The following TRIM77 variants were observed in gnomAD, a reference collection of about 807,000 sequenced individuals.
TRIM77 encodes tripartite motif-containing protein 77.
In TRIM77, 23 loss-of-function variants were observed where a neutral mutation model predicts 31.8. The ratio of observed to expected loss-of-function variants is 0.72; its 90% CI spans 0.52 to 1.02. The LOEUF (loss-of-function observed/expected upper bound fraction) is 1.02, where lower values mean the gene tolerates loss of function less well. Among genes scored for constraint, TRIM77 ranks in the 50% least tolerant of loss-of-function variants. The pLI is 0.00. For missense variants in TRIM77, 446 were observed against 539.2 expected (o/e 0.83, Z 1.71); for synonymous variants, 159 against 183.1 (o/e 0.87, Z 1.06).
intron 5 of TRIM77, among the ~76,000 whole-genome samples, chr11:89,717,100 T>C (rs1482988942): frequency 6.6e-6 from 1 of 152,186 alleles, no homozygotes; most frequent in Non-Finnish European, 1.5e-5. Context: ...TGATATACTC[T>C]GTATGCCACT....
chr11:89,713,002 G>A (rs936466188), intron 2 of TRIM77, among the ~76,000 whole-genome samples: 11 of 152,118 alleles, frequency 7.2e-5, no homozygotes, highest in African/African-American at 1.2e-4. Context: ...GGTCCGGCGC[G>A]ATGGCTCATG....
Position 89,715,829 on chromosome 11 carries a change from T to C in TRIM77, c.762-61T>C, listed in dbSNP as rs1443150265. Reference sequence around the variant, plus strand: ...TGAGGATTCTGATCAAGCATCTTATTAGTGGATTGCTAATGATTCCTTTGG... The same window carrying C: ...TGAGGATTCTGATCAAGCATCTTATCAGTGGATTGCTAATGATTCCTTTGG... On this transcript the variant is annotated intron_variant, in intron 4 of 5. Coordinates refer to ENST00000398290, the MANE Select transcript of TRIM77 (RefSeq NM_001146162.1). 26 of 1,081,402 alleles carry C rather than the reference T, an allele frequency of 2.4e-5. No homozygotes were observed. The Admixed American group carries it at 5.8e-4, about 24-fold the overall frequency. 67.0% of individuals were successfully genotyped at this position (1,081,402 alleles called of 1,614,324 possible). A position where few individuals can be genotyped will look rare whatever the true frequency, so the allele number is the denominator to read the frequency against.
chr11:89,713,504 A>G (rs1297751258), intron 2 of TRIM77, among the ~76,000 whole-genome samples: 4 of 140,764 alleles, frequency 2.8e-5, no homozygotes, highest in African/African-American at 5.2e-5. Flanking sequence ...TAATAATAAT[A>G]TAATTGAGTG....
At chr11:89,712,715 G>A (rs906274904) in intron 2 of TRIM77, among the ~76,000 whole-genome samples, 5 of 152,038 alleles carry the variant, frequency 3.3e-5, no homozygotes, top group Non-Finnish European at 7.4e-5. Context: ...CATAATATTT[G>A]GATTTAGAAA....
rs763596451 is a variant in TRIM77 at position 89,717,509 on chromosome 11, A to T, written c.990A>T (p.Ser330=). Residue 330 remains serine (S), a synonymous_variant, in exon 6 of 6, where the codon TCA becomes TCT. Transcript: ENST00000398290. ...CAACAAGTACACAGTATACTTCTTC[A>T]TGGGGAGCTCAGATCCTCAGCTCTG... ...CNPTSTQYTS[S]WGAQILSSGK... is the part of the protein sequence containing the mutation. The T allele has an allele frequency of 1.0e-5, 16 of 1,551,570 alleles. No individual in the cohort carries two copies. The Admixed American group carries it at 1.2e-4, about 11-fold the overall frequency.
intron 5 of TRIM77, 67 bp downstream of exon 5, chr11:89,716,054 T>G (rs1175026753): frequency 7.5e-6 from 7 of 933,630 alleles, no homozygotes; most frequent in Middle Eastern, 2.3e-4. Context: ...TATATTCAGT[T>G]TAGTCTATAT....
rs1253783454 is a variant in TRIM77, at chr11:89,710,654, C to G, written c.356C>G (p.Pro119Arg). Residue 119 changes from proline (P) to arginine (R), a missense_variant, in exon 1 of 6, where the codon CCA (proline) becomes CGA (arginine). Around this residue, in one of 3 missense-constraint regions of TRIM77, gnomAD observed 366 missense variants for 447.9 expected, o/e 0.82. Transcript: ENST00000398290. ...SLLCFLCSQS[P>R]RHATHKHYMT... The stretch of plus-strand genomic sequence containing the variant: ...CTGTGTTTTCTATGCTCTCAATCCC[C>G]AAGGCATGCTACTCACAAACACTAT... The G allele has an allele frequency of 6.4e-7, 1 of 1,550,566 alleles. No homozygotes were observed. The highest frequency in any genetic ancestry group is 1.4e-5 in the African/African-American group (1 of 72,990).
intron 3 of TRIM77, 124 bp from the exon 4 acceptor site, chr11:89,715,034 C>A: frequency 3.5e-6 from 3 of 866,924 alleles, no homozygotes; most frequent in Non-Finnish European, 5.1e-6. Flanking sequence ...TGCCTTTATC[C>A]AAAGAAGGAA....
At chr11:89,717,101 G>A (rs920330383) in intron 5 of TRIM77, among the ~76,000 whole-genome samples, 2 of 152,098 alleles carry the variant, frequency 1.3e-5, no homozygotes, top group African/African-American at 4.8e-5. Context: ...GATATACTCT[G>A]TATGCCACTC....
At chr11:89,713,494 TAATAA>T (rs1949138640) in intron 2 of TRIM77, among the ~76,000 whole-genome samples, 1 of 139,984 alleles carries the variant, frequency 7.1e-6, no homozygotes, top group South Asian at 2.3e-4. Context: ...ATAATAATAA[TAATAA>T]TAATATAATT....
intron 3 of TRIM77, 124 bp from the exon 4 acceptor site, chr11:89,715,023 ATGCCTTTATCC>A: frequency 1.3e-6 from 1 of 744,276 alleles, no homozygotes; most frequent in South Asian, 2.6e-5. Context: ...AAAATGAAAA[ATGCCTTTATCC>A]AAAGAAGGAA....
At position 89,710,311 on chromosome 11, in the gene TRIM77, A is replaced by G. The variant is rs766674026; in HGVS notation, c.13A>G (p.Ile5Val). ...TTTCCTCAGAAACATGGCTTCTGCT[A>G]TCACGCAGTGTTCTACCAGTGAGCT... MASAITQCSTSELTC... is the reference protein window; with the variant it reads MASAVTQCSTSELTC... Residue 5 changes from isoleucine to valine, a missense_variant, in exon 1 of 6, where the codon ATC becomes GTC. By Grantham distance (29) the Ile-to-Val change is conservative. Coordinates refer to ENST00000398290, the MANE Select transcript of TRIM77 (RefSeq NM_001146162.1). 63 of 1,525,614 alleles carry G rather than the reference A, an allele frequency of 4.1e-5. No homozygotes were observed. Among genetic ancestry groups the G allele is most frequent in the Middle Eastern group, 1.7e-4 (1 of 5,914 alleles). The allele number at this position is 1,525,614 out of a possible 1,614,324, so 94.5% of individuals were successfully genotyped here. A position where few individuals can be genotyped will look rare whatever the true frequency, so the allele number is the denominator to read the frequency against.
At chr11:89,715,818 A>G in intron 4 of TRIM77, 72 bp from the exon 5 acceptor site, 1 of 960,666 alleles carries the variant, frequency 1.0e-6, no homozygotes, top group Non-Finnish European at 1.6e-6. Flanking sequence ...GATTCTGATC[A>G]AGCATCTTAT....
rs116464570 is a variant in TRIM77, at chr11:89,714,980, G to A, written c.739-178G>A. Among the ~76,000 whole-genome samples the A allele has an allele frequency of 9.4e-3, 1,432 of 152,214 alleles. 25 individuals are homozygous for A. Among genetic ancestry groups the A allele is most frequent in the African/African-American group, 0.033 (1,359 of 41,534 alleles). On this transcript the variant is annotated intron_variant, in intron 3 of 5. Coordinates refer to ENST00000398290, the MANE Select transcript of TRIM77 (RefSeq NM_001146162.1). ...ATAATTTTATTGACTACATGTAGACGTCAGACTGGGTTTCATATTTATAAA... is the reference window on the plus strand; with the variant it reads ...ATAATTTTATTGACTACATGTAGACATCAGACTGGGTTTCATATTTATAAA...
chr11:89,715,827 A>ATT, intron 4 of TRIM77, 63 bp from the exon 5 acceptor site: 1 of 1,064,676 alleles, frequency 9.4e-7, no homozygotes, highest in Non-Finnish European at 1.4e-6. Context: ...CAAGCATCTT[A>ATT]TTAGTGGATT....
chr11:89,714,282 A>G lies in TRIM77; in HGVS notation c.598A>G (p.Ser200Gly). The part of the protein sequence containing the change: ...LREEEQKHVE[S>G]LAREGRIIFQ... ...TGAAGAAGAGCAAAAGCACGTAGAG[A>G]GCCTGGCAAGAGAAGGCAGGATAAT... is the stretch of plus-strand genomic sequence containing the variant. The change falls in exon 3 of 6, where the codon AGC becomes GGC. Residue 200 changes from serine to glycine, a missense_variant. Transcript: ENST00000398290. 1 of 1,551,746 alleles carries G rather than the reference A, an allele frequency of 6.4e-7. No individual in the cohort carries two copies. Among genetic ancestry groups the G allele is most frequent in the Middle Eastern group, 1.7e-4 (1 of 5,992 alleles).
intron 1 of TRIM77, 65 bp from the exon 2 acceptor site, chr11:89,711,345 T>C: frequency 2.5e-6 from 2 of 788,908 alleles, no homozygotes; most frequent in Middle Eastern, 2.6e-4. Context: ...GTACCTCTTT[T>C]GGTAGTATCT....
chr11:89,712,206 A>C (rs984078791), intron 2 of TRIM77, among the ~76,000 whole-genome samples: 19 of 152,208 alleles, frequency 1.2e-4, no homozygotes, highest in African/African-American at 4.3e-4. Context: ...AACAGGGACC[A>C]GTAGAGAATA....
At chr11:89,710,816 TAAAC>T (rs1261186682) in intron 1 of TRIM77, 107 bp downstream of exon 1, 20 of 993,582 alleles carry the variant, frequency 2.0e-5, no homozygotes, top group Middle Eastern at 3.1e-4. Flanking sequence ...TTTTATGCAA[TAAAC>T]AAACAGAATT....
Sources: gnomAD v4.1 joint callset for allele counts (sites outside exome capture counted in the v4.1 genomes callset) on GRCh38, gnomAD v4.1.1 for gene constraint, gnomAD v4.1.1 regional missense constraint, MANE v1.5 for transcripts, NCBI Gene and HGNC (gene_info 2026-07-23, HGNC 2026-07-21) for gene names.